RORA: variants seen among roughly 807,000 people sequenced by gnomAD.
RORA encodes the protein RAR related orphan receptor A.
A neutral mutation model predicts 69.5 loss-of-function variants in RORA; 7 were observed. That is an observed-to-expected ratio of 0.10 (90% CI 0.06 to 0.19). The LOEUF is 0.19. Ranked by LOEUF, RORA falls within the 10% of genes least tolerant of loss-of-function variation. The pLI is 1.00. For synonymous variants in RORA, 261 were observed against 240.8 expected (o/e 1.08, Z -0.78); for missense variants, 457 against 663.0 (o/e 0.69, Z 3.41).
At chr15:60,900,267 G>A (rs1891349776) in intron 1 of RORA, among the ~76,000 whole-genome samples, 1 of 152,198 alleles carries the variant, frequency 6.6e-6, no homozygotes, top group African/African-American at 2.4e-5. Context: ...TAAAATGTAT[G>A]CTCACATACA....
chr15:60,561,082 G>GTTTTGTT (rs1567088195), intron 2 of RORA, among the ~76,000 whole-genome samples: 1 of 122,052 alleles, frequency 8.2e-6, no homozygotes, highest in Non-Finnish European at 1.8e-5. Flanking sequence ...TTTTGTTTTT[G>GTTTTGTT]TTTTTTTTTT....
intron 1 of RORA, among the ~76,000 whole-genome samples, chr15:60,832,295 C>A (rs763077648): frequency 5.3e-5 from 8 of 152,134 alleles, no homozygotes; most frequent in Non-Finnish European, 1.2e-4. Flanking sequence ...TCCAGTTTGC[C>A]AGGAATTTTC....
chr15:60,490,420 G>A lies in RORA; in HGVS notation c.*7035C>T, dbSNP rs998923954. ...AACAGATAAATATTTGCACTGAGTA[G>A]GCTGTTTATAATATAACATTTTCTT... On this transcript the variant is annotated 3_prime_UTR_variant, in exon 11 of 11. Transcript: ENST00000335670. The surrounding 1 kb of genome is among the most constrained non-coding windows in gnomAD (Gnocchi z 4.1). 6.6e-6 allele frequency: 1 copy of A among 152,012 alleles called. No homozygotes were observed. The highest frequency in any genetic ancestry group is 2.4e-5 in the African/African-American group (1 of 41,396). The allele number at this position is 152,012 out of a possible 1,614,324, so 9.4% of individuals were successfully genotyped here. A position where few individuals can be genotyped will look rare whatever the true frequency, so the allele number is the denominator to read the frequency against.
chr15:60,666,658 A>G (rs1002761992), intron 2 of RORA, among the ~76,000 whole-genome samples: 2 of 152,198 alleles, frequency 1.3e-5, no homozygotes, highest in Non-Finnish European at 2.9e-5. Flanking sequence ...TGATGGAGCA[A>G]TAAGACTTTA....
At chr15:60,802,968 A>T (rs1379257118) in intron 1 of RORA, among the ~76,000 whole-genome samples, 2 of 152,156 alleles carry the variant, frequency 1.3e-5, no homozygotes, top group East Asian at 3.8e-4. Context: ...AAAAAAAAAA[A>T]TTTAAAGCCA....
chr15:60,892,756 TC>T (rs1450634953), intron 1 of RORA, among the ~76,000 whole-genome samples: 3 of 152,216 alleles, frequency 2.0e-5, no homozygotes, highest in African/African-American at 7.2e-5. Context: ...ATAAACTCTT[TC>T]CCTATCTTAC....
At chr15:60,595,622 CG>C (rs1418828852) in intron 2 of RORA, among the ~76,000 whole-genome samples, 1 of 150,724 alleles carries the variant, frequency 6.6e-6, no homozygotes, top group East Asian at 1.9e-4. Flanking sequence ...TTATGAGTAC[CG>C]ACTGAGGGAG....
At chr15:60,940,784 G>A (rs547794504) in intron 1 of RORA, among the ~76,000 whole-genome samples, 11 of 152,226 alleles carry the variant, frequency 7.2e-5, no homozygotes, top group East Asian at 3.9e-4. Context: ...AAAATTAGCC[G>A]GGCATGGTGG....
At chr15:60,607,717 G>A (rs1342921729) in intron 2 of RORA, among the ~76,000 whole-genome samples, 1 of 152,196 alleles carries the variant, frequency 6.6e-6, no homozygotes, top group East Asian at 1.9e-4. Flanking sequence ...CTGGAGTGAT[G>A]AGTGTTCAGG....
chr15:60,591,086 C>T (rs943072813), intron 2 of RORA, among the ~76,000 whole-genome samples: 7 of 152,184 alleles, frequency 4.6e-5, no homozygotes, highest in Non-Finnish European at 8.8e-5. Context: ...GCAACACAAC[C>T]CCAAACTAGC....
intron 1 of RORA, chr15:60,686,630 ACAT>A (rs1248716062): frequency 1.3e-5 from 2 of 152,222 alleles, no homozygotes; most frequent in African/African-American, 2.4e-5. Flanking sequence ...GCTCAGGTAA[ACAT>A]CAGCAGCTTA....
Position 60,801,670 on chromosome 15 carries a change from G to C in RORA, c.167-122984C>G, listed in dbSNP as rs140480560. ...ATGCCCCCAGTGCAGCCGCCTGAAA[G>C]CCCGGGAGAGGCACGCCACGGTGTG... On this transcript the variant is annotated intron_variant, in intron 1 of 10. Transcript: ENST00000335670. 8.7e-4 allele frequency among the ~76,000 whole-genome samples: 132 copies of C among 152,306 alleles called. 2 individuals carry two copies. In the East Asian group the frequency reaches 0.022, roughly 25 times the overall value.
At chr15:61,091,080 T>C (rs1303250809) in intron 1 of RORA, among the ~76,000 whole-genome samples, 1 of 152,194 alleles carries the variant, frequency 6.6e-6, no homozygotes, top group Non-Finnish European at 1.5e-5. Flanking sequence ...CATTAATGCT[T>C]TTCCGGTTAA....
intron 1 of RORA, among the ~76,000 whole-genome samples, chr15:60,890,764 T>C (rs989777663): frequency 1.3e-5 from 2 of 152,264 alleles, no homozygotes; most frequent in African/African-American, 4.8e-5. Flanking sequence ...AAGGATTAAC[T>C]TTTTTAGAAG....
intron 1 of RORA, among the ~76,000 whole-genome samples, chr15:61,149,749 T>A (rs2079382004): frequency 6.6e-6 from 1 of 152,194 alleles, no homozygotes; most frequent in Non-Finnish European, 1.5e-5. Context: ...AACATCCTGA[T>A]ACCCCAGAGG....
chr15:60,606,292 TTAAAGGGCTCC>T (rs1302436147), intron 2 of RORA, among the ~76,000 whole-genome samples: 1 of 152,196 alleles, frequency 6.6e-6, no homozygotes, highest in Non-Finnish European at 1.5e-5. Flanking sequence ...AATGAATGAA[TTAAAGGGCTCC>T]TAATTAGGAG....
chr15:61,177,452 A>G (rs1309325268), intron 1 of RORA, among the ~76,000 whole-genome samples: 1 of 152,194 alleles, frequency 6.6e-6, no homozygotes, highest in Non-Finnish European at 1.5e-5. Flanking sequence ...ATTATTAGAA[A>G]TAATTAAACT....
At chr15:60,912,744 A>C (rs1245905387) in intron 1 of RORA, among the ~76,000 whole-genome samples, 2 of 134,294 alleles carry the variant, frequency 1.5e-5, no homozygotes, top group African/African-American at 5.8e-5. Flanking sequence ...ACAGAGCAAG[A>C]CTCCATCTCA....
chr15:60,720,904 A>T (rs1433297742), intron 1 of RORA, among the ~76,000 whole-genome samples: 1 of 152,186 alleles, frequency 6.6e-6, no homozygotes, highest in Admixed American at 6.5e-5. Flanking sequence ...GCTTTCAAGC[A>T]CAATGTAACC....
Sources: gnomAD v4.1 joint callset for allele counts (sites outside exome capture counted in the v4.1 genomes callset) on GRCh38, gnomAD v4.1.1 for gene constraint, Gnocchi (gnomAD v3.1) non-coding constraint, MANE v1.5 for transcripts, NCBI Gene and HGNC (gene_info 2026-07-23, HGNC 2026-07-21) for gene names.